DLG2: variants seen among roughly 807,000 people sequenced by gnomAD.
The protein encoded by DLG2 is discs large MAGUK scaffold protein 2.
DLG2 carries 45 observed loss-of-function variants against 132.5 expected under a neutral mutation model. The observed-to-expected ratio is 0.34, with a 90% CI of 0.27 to 0.44. The LOEUF (loss-of-function observed/expected upper bound fraction) is 0.44, where lower values mean the gene tolerates loss of function less well. Ranked by LOEUF, DLG2 falls within the 20% of genes least tolerant of loss-of-function variation. DLG2 has a pLI of 1.00. For missense variants in DLG2, 1,045 were observed against 1,196.9 expected (o/e 0.87, Z 1.87); for synonymous variants, 424 against 419.6 (o/e 1.01, Z -0.13).
intron 6 of DLG2, among the ~76,000 whole-genome samples, chr11:84,540,255 A>C (rs2099364953): frequency 6.6e-6 from 1 of 152,190 alleles, no homozygotes; most frequent in East Asian, 1.9e-4. Flanking sequence ...TGAACAGGCA[A>C]CCTACAGAAT....
intron 6 of DLG2, among the ~76,000 whole-genome samples, chr11:84,702,679 T>C (rs941377434): frequency 6.6e-6 from 1 of 151,682 alleles, no homozygotes; most frequent in Non-Finnish European, 1.5e-5. Context: ...TACTTCTGCA[T>C]TGAAACCTTT....
intron 19 of DLG2, among the ~76,000 whole-genome samples, chr11:83,556,371 T>C (rs899012276): frequency 8.5e-6 from 1 of 117,716 alleles, no homozygotes; most frequent in Admixed American, 9.8e-5. Flanking sequence ...TTTTGTCCTT[T>C]TTCTTTCTTT....
intron 18 of DLG2, among the ~76,000 whole-genome samples, chr11:83,718,067 G>C (rs980893707): frequency 6.6e-6 from 1 of 152,142 alleles, no homozygotes; most frequent in African/African-American, 2.4e-5. Context: ...GGGGGACAAA[G>C]ACAAGTGCAG....
chr11:85,218,259 C>G (rs1246177197), intron 4 of DLG2, among the ~76,000 whole-genome samples: 1 of 152,120 alleles, frequency 6.6e-6, no homozygotes, highest in Non-Finnish European at 1.5e-5. Flanking sequence ...AGTAAACAGC[C>G]TACAGAATGG....
chr11:83,886,259 C>T (rs1247480911), intron 15 of DLG2, among the ~76,000 whole-genome samples: 1 of 152,002 alleles, frequency 6.6e-6, no homozygotes, highest in African/African-American at 2.4e-5. Flanking sequence ...GGAAGATCTA[C>T]CAAGCAAATG....
intron 7 of DLG2, among the ~76,000 whole-genome samples, chr11:84,272,591 T>G (rs940123544): frequency 6.6e-6 from 1 of 152,220 alleles, no homozygotes; most frequent in African/African-American, 2.4e-5. Flanking sequence ...ACAATGACAC[T>G]GATTCACTAA....
At chr11:83,863,079 T>C (rs1335006311) in intron 16 of DLG2, among the ~76,000 whole-genome samples, 1 of 152,184 alleles carries the variant, frequency 6.6e-6, no homozygotes, top group Non-Finnish European at 1.5e-5. Flanking sequence ...TGGCATTGTG[T>C]ATGTAACAGT....
chr11:83,980,386 A>AT, intron 12 of DLG2, 120 bp downstream of exon 12: 1 of 1,163,820 alleles, frequency 8.6e-7, no homozygotes, highest in East Asian at 2.6e-5. Flanking sequence ...GATTTCTGCC[A>AT]TTTTAAGCCA....
intron 6 of DLG2, among the ~76,000 whole-genome samples, chr11:84,737,512 G>GAA (rs929739526): frequency 9.2e-5 from 14 of 151,906 alleles, no homozygotes; most frequent in Admixed American, 9.2e-4. Context: ...CAGAGAGAGA[G>GAA]AGAGAGAGAG....
chr11:84,514,379 A>G (rs2099266247), intron 7 of DLG2, among the ~76,000 whole-genome samples: 1 of 152,068 alleles, frequency 6.6e-6, no homozygotes, highest in South Asian at 2.1e-4. Flanking sequence ...ATATCAAAGG[A>G]ACATCTGCAC....
At chr11:83,834,301 T>C (rs756165233) in intron 16 of DLG2, among the ~76,000 whole-genome samples, 8 of 152,170 alleles carry the variant, frequency 5.3e-5, no homozygotes, top group Non-Finnish European at 7.3e-5. Flanking sequence ...GATGGTCCTA[T>C]GGAGGGCTGA....
rs890437228 is a variant in DLG2, at chr11:85,437,041, A to C, written c.41-151676T>G. Among the ~76,000 whole-genome samples the C allele has an allele frequency of 2.8e-4, 43 of 152,208 alleles. 1 individual carries two copies. The highest frequency in any genetic ancestry group is 8.5e-4 in the Admixed American group (13 of 15,276). ...TGGAAGACATCATTCTCAGCAAACT[A>C]ACACAGGAACAGAAAGCCAAACACA... On this transcript the variant is annotated intron_variant, in intron 3 of 27. Transcript: ENST00000376104.
chr11:84,057,126 C>A (rs980585652), intron 11 of DLG2, among the ~76,000 whole-genome samples: 12 of 152,138 alleles, frequency 7.9e-5, no homozygotes, highest in African/African-American at 2.9e-4. Flanking sequence ...ATTACTGCCC[C>A]ACTCCGGGCT....
intron 18 of DLG2, among the ~76,000 whole-genome samples, chr11:83,740,934 G>C (rs2092453816): frequency 6.6e-6 from 1 of 152,066 alleles, no homozygotes; most frequent in Admixed American, 6.6e-5. Context: ...AAATCTAGCA[G>C]AACATCAAAA....
rs1414156165 is a variant in DLG2, at chr11:84,168,919, G to T, written c.574-5408C>A. ...CAATATTCATCCTTCCCTTCTTTTG[G>T]AGTATCTCTTATAGTAAATATGTCA... On this transcript the variant is annotated intron_variant, in intron 8 of 27. Coordinates refer to ENST00000376104, the MANE Select transcript of DLG2 (RefSeq NM_001142699.3). Among the ~76,000 whole-genome samples, 3 of 151,538 alleles carry T rather than the reference G, an allele frequency of 2.0e-5. No homozygotes were observed. The East Asian group carries it at 5.8e-4, about 29-fold the overall frequency.
At chr11:85,080,825 T>C (rs372288998) in intron 6 of DLG2, among the ~76,000 whole-genome samples, 3 of 152,238 alleles carry the variant, frequency 2.0e-5, no homozygotes, top group East Asian at 1.9e-4. Flanking sequence ...TTGGAAACCA[T>C]AGAAGAATTC....
chr11:83,940,922 A>G (rs1027043637), intron 14 of DLG2, among the ~76,000 whole-genome samples: 1 of 152,212 alleles, frequency 6.6e-6, no homozygotes, highest in African/African-American at 2.4e-5. Context: ...TTTGACTACT[A>G]TAGATATTTA....
intron 7 of DLG2, among the ~76,000 whole-genome samples, chr11:84,363,443 T>G (rs1286197734): frequency 6.6e-6 from 1 of 152,176 alleles, no homozygotes; most frequent in African/African-American, 2.4e-5. Flanking sequence ...GTGAAAATTT[T>G]CTCCCATTTT....
chr11:84,742,415 C>T (rs569504123), intron 6 of DLG2, among the ~76,000 whole-genome samples: 73 of 152,248 alleles, frequency 4.8e-4, no homozygotes, highest in African/African-American at 1.7e-3. Context: ...AGTGTCAAGT[C>T]ACATATAAGG....
Sources: allele counts gnomAD v4.1 joint callset (sites outside exome capture counted in the v4.1 genomes callset), GRCh38; gene constraint gnomAD v4.1.1; transcripts MANE v1.5; gene names NCBI Gene and HGNC (gene_info 2026-07-23, HGNC 2026-07-21).